Variants in BMERB1 observed in about 807,000 individuals in gnomAD.
The protein encoded by BMERB1 is bMERB domain containing 1.
Under a neutral mutation model 23.6 loss-of-function variants are expected in BMERB1, and 12 were observed. The observed-to-expected ratio is 0.51, with a 90% CI of 0.33 to 0.82. The LOEUF (loss-of-function observed/expected upper bound fraction) is 0.82. BMERB1 is among the 40% of genes least tolerant of loss of function. The pLI is 0.03. For missense variants in BMERB1, 247 were observed against 255.4 expected (o/e 0.97, Z 0.22); for synonymous variants, 122 against 96.6 (o/e 1.26, Z -1.54).
chr16:15,534,219 T>A (rs1420042282), intron 2 of BMERB1, among the ~76,000 whole-genome samples: 1 of 126,884 alleles, frequency 7.9e-6, no homozygotes, highest in South Asian at 2.5e-4. Context: ...CATGTAACTG[T>A]CCCTCCAGCC....
At chr16:15,571,946 T>A (rs899977948) in intron 3 of BMERB1, among the ~76,000 whole-genome samples, 1 of 152,068 alleles carries the variant, frequency 6.6e-6, no homozygotes. Flanking sequence ...AATATTGAAG[T>A]CCTTAAGATC....
At chr16:15,434,881 G>T in intron 1 of BMERB1, 122 bp downstream of exon 1, 1 of 799,278 alleles carries the variant, frequency 1.3e-6, no homozygotes. Flanking sequence ...CCGCAGCGGG[G>T]CTGGCAGCTC....
intron 1 of BMERB1, among the ~76,000 whole-genome samples, chr16:15,485,591 T>C (rs1472780007): frequency 3.3e-5 from 5 of 152,142 alleles, no homozygotes; most frequent in African/African-American, 9.7e-5. Flanking sequence ...ATTCTGGTCA[T>C]TTCAGTAATT....
chr16:15,501,583 T>G (rs1052609448), intron 1 of BMERB1, among the ~76,000 whole-genome samples: 3 of 152,200 alleles, frequency 2.0e-5, no homozygotes, highest in Non-Finnish European at 4.4e-5. Flanking sequence ...CAAGCAATTC[T>G]CCTGCCTCAG....
chr16:15,540,227 TAAAG>T (rs2052065685), intron 2 of BMERB1, among the ~76,000 whole-genome samples: 1 of 151,788 alleles, frequency 6.6e-6, no homozygotes, highest in Non-Finnish European at 1.5e-5. Flanking sequence ...AGAATCAACA[TAAAG>T]AAAAGTATTA....
chr16:15,489,114 A>C (rs2051393909), intron 1 of BMERB1, among the ~76,000 whole-genome samples: 1 of 152,098 alleles, frequency 6.6e-6, no homozygotes, highest in South Asian at 2.1e-4. Flanking sequence ...CTGATCCTAT[A>C]TCTATCTGAA....
At chr16:15,479,183 AC>A (rs2051298191) in intron 1 of BMERB1, among the ~76,000 whole-genome samples, 1 of 152,196 alleles carries the variant, frequency 6.6e-6, no homozygotes. Context: ...GAATTCTGGA[AC>A]ACTTGTATCT....
chr16:15,554,888 G>A (rs1054728253), intron 2 of BMERB1, among the ~76,000 whole-genome samples: 12 of 151,922 alleles, frequency 7.9e-5, no homozygotes, highest in African/African-American at 1.7e-4. Context: ...GGATGGTCTC[G>A]ATCTCCTGAC....
intron 2 of BMERB1, among the ~76,000 whole-genome samples, chr16:15,547,147 G>C (rs774665462): frequency 1.3e-5 from 2 of 151,010 alleles, no homozygotes; most frequent in African/African-American, 2.4e-5. Flanking sequence ...GAGTAGCTGG[G>C]ATTACAGGCA....
At chr16:15,492,771 T>A (rs1360260109) in intron 1 of BMERB1, among the ~76,000 whole-genome samples, 7 of 151,726 alleles carry the variant, frequency 4.6e-5, no homozygotes. Flanking sequence ...ATACAAAAAC[T>A]AGCCAGGCAT....
chr16:15,536,996 C>G (rs1330136058), intron 2 of BMERB1: 1 of 152,180 alleles, frequency 6.6e-6, no homozygotes, highest in East Asian at 1.9e-4. Flanking sequence ...GAGCCTCTCT[C>G]TCTCCCCTGT....
chr16:15,478,386 C>T (rs890141784), intron 1 of BMERB1, among the ~76,000 whole-genome samples: 1 of 152,160 alleles, frequency 6.6e-6, no homozygotes, highest in Non-Finnish European at 1.5e-5. Context: ...GTCTCGAACT[C>T]CTGACCTCAA....
chr16:15,479,451 A>T (rs2051301273), intron 1 of BMERB1, among the ~76,000 whole-genome samples: 1 of 152,214 alleles, frequency 6.6e-6, no homozygotes, highest in African/African-American at 2.4e-5. Flanking sequence ...TCCACATTGC[A>T]AGTAAACCTT....
At chr16:15,519,756 T>C (rs549199879) in intron 2 of BMERB1, among the ~76,000 whole-genome samples, 40 of 152,154 alleles carry the variant, frequency 2.6e-4, no homozygotes, top group African/African-American at 6.3e-4. Context: ...CACCCTCACA[T>C]TTAGATTATT....
intron 1 of BMERB1, among the ~76,000 whole-genome samples, chr16:15,460,226 A>T (rs2051122954): frequency 6.6e-6 from 1 of 152,208 alleles, no homozygotes; most frequent in South Asian, 2.1e-4. Context: ...TTCAAATTAG[A>T]GAAGTACTAT....
At chr16:15,516,334 C>G (rs974185239) in intron 2 of BMERB1, among the ~76,000 whole-genome samples, 2 of 151,906 alleles carry the variant, frequency 1.3e-5, no homozygotes, top group African/African-American at 4.8e-5. Context: ...GTGGGGGGAT[C>G]GGTTTAGCCC....
intron 1 of BMERB1, among the ~76,000 whole-genome samples, chr16:15,480,658 G>A (rs904328213): frequency 2.3e-5 from 3 of 130,796 alleles, no homozygotes; most frequent in Admixed American, 8.6e-5. Context: ...CTGTCACCCC[G>A]GCTGGAGTGC....
In BMERB1 at chr16:15,586,873, C is replaced by T. The variant is rs1567509448; in HGVS notation, c.*44C>T. 2.3e-6 allele frequency: 3 copies of T among 1,288,564 alleles called. No homozygotes were observed. Among genetic ancestry groups the T allele is most frequent in the Middle Eastern group, 2.3e-4 (1 of 4,388 alleles). 79.8% of individuals were successfully genotyped at this position (1,288,564 alleles called of 1,614,324 possible). A position where few individuals can be genotyped will look rare whatever the true frequency, so the allele number is the denominator to read the frequency against. On this transcript the variant is annotated 3_prime_UTR_variant, in exon 6 of 6. Transcript: ENST00000300006. ...TGGGCCATGGGGACCCCCCCCCACC[C>T]TCTTGTCTTTATAGCCCCCATTTCA...
At chr16:15,484,716 T>TA (rs905168205) in intron 1 of BMERB1, among the ~76,000 whole-genome samples, 4 of 152,260 alleles carry the variant, frequency 2.6e-5, no homozygotes, top group South Asian at 4.1e-4. Flanking sequence ...TCCCCTTTTT[T>TA]AAAAAAAGAA....
Sources: allele counts gnomAD v4.1 joint callset (sites outside exome capture counted in the v4.1 genomes callset), GRCh38; gene constraint gnomAD v4.1.1; transcripts MANE v1.5; gene names NCBI Gene and HGNC (gene_info 2026-07-23, HGNC 2026-07-21).